Variants in MTA1 observed in about 807,000 individuals in gnomAD.
The protein encoded by MTA1 is metastasis-associated protein MTA1.
In MTA1, 15 loss-of-function variants were observed where a neutral mutation model predicts 97.0. That is an observed-to-expected ratio of 0.15 (90% CI 0.10 to 0.24). The LOEUF is 0.24. Among genes scored for constraint, MTA1 ranks in the 10% least tolerant of loss-of-function variants. The pLI is 1.00. For synonymous variants in MTA1, 435 were observed against 417.5 expected, an observed-to-expected ratio of 1.04 and a Z score of -0.51; for missense variants, 709 against 1,015.1, an observed-to-expected ratio of 0.70 and a Z score of 4.10.
At position 105,422,552 on chromosome 14, in the gene MTA1, G is replaced by A. The variant is rs2081879223; in HGVS notation, c.28+2489G>A. Among the ~76,000 whole-genome samples, 1 of 152,182 alleles carries A rather than the reference G, an allele frequency of 6.6e-6. No homozygotes were observed. The stretch of plus-strand genomic sequence containing the variant: ...CTTGTGTGTAGAGGCACCAAATTTA[G>A]TTAAGAAAAGTACAGGACGCCCAGG... On this transcript the variant is annotated intron_variant, in intron 1 of 20. Transcript: ENST00000331320. The surrounding 1 kb of genome is among the most constrained non-coding windows in gnomAD (Gnocchi z 4.3).
At chr14:105,450,951 G>A (rs978624158) in intron 6 of MTA1, among the ~76,000 whole-genome samples, 2 of 152,328 alleles carry the variant, frequency 1.3e-5, no homozygotes, top group Non-Finnish European at 2.9e-5. Flanking sequence ...GGGCAAAAGC[G>A]TCTGGAGTGT....
intron 6 of MTA1, among the ~76,000 whole-genome samples, chr14:105,451,769 CTTTTTCTTTTTTTGTT>C (rs1392834882): frequency 8.2e-5 from 10 of 122,560 alleles, no homozygotes; most frequent in Admixed American, 2.0e-4. Flanking sequence ...CCCCCTTTTT[CTTTTTCTTTTTTTGTT>C]TTTTTTTTTT....
In MTA1 at chr14:105,463,982, C is replaced by T. The variant is rs201706066; in HGVS notation, c.1077-50C>T. ...GGTGCCTGCTGGGCACATGGGCCCT[C>T]GAGGTTTGTGCTCCTGCAACTCCTC... On this transcript the variant is annotated intron_variant, in intron 12 of 20. Transcript: ENST00000331320. This position sits in a 1 kb window ranked among gnomAD's most constrained non-coding sequence, Gnocchi z 5.9. 1.2e-4 allele frequency: 191 copies of T among 1,585,588 alleles called. 4 individuals are homozygous for T. The East Asian group carries it at 1.6e-3, about 13-fold the overall frequency.
intron 18 of MTA1, chr14:105,467,451 G>A: frequency 2.2e-6 from 1 of 455,968 alleles, no homozygotes; most frequent in Non-Finnish European, 4.4e-6. Flanking sequence ...GCCCAGCCCA[G>A]CCAACCCTGT....
In MTA1 at chr14:105,454,262, C is replaced by G; in HGVS notation, c.502C>G (p.Arg168Gly). 1 of 1,613,712 alleles carries G rather than the reference C, an allele frequency of 6.2e-7. No individual in the cohort carries two copies. The highest frequency in any genetic ancestry group is 8.5e-7 in the Non-Finnish European group (1 of 1,179,764). The part of the protein sequence containing the change: ...KTLLADKGEI[R>G]VGNRYQADIT... ...CCTGCTGGCAGATAAAGGAGAGATT[C>G]GAGTAGGAAACCGGTACCAGGCAGA... Residue 168 changes from arginine to glycine, a missense_variant, in exon 7 of 21, where the codon CGA (arginine) becomes GGA (glycine). Physicochemically the swap from Arg to Gly is moderately radical, Grantham distance 125. Coordinates refer to ENST00000331320, the MANE Select transcript of MTA1 (RefSeq NM_004689.4).
chr14:105,458,920 CGAG>C (rs1555430493), intron 8 of MTA1, among the ~76,000 whole-genome samples: 1 of 152,196 alleles, frequency 6.6e-6, no homozygotes, highest in Non-Finnish European at 1.5e-5. Context: ...GCCCAGGACA[CGAG>C]GAGTCCTCGC....
chr14:105,459,432 T>C (rs1595393286), intron 8 of MTA1, among the ~76,000 whole-genome samples: 1 of 10,046 alleles, frequency 1.0e-4, no homozygotes, highest in Non-Finnish European at 3.4e-4. Context: ...GGGGAGTCCG[T>C]GCTGCCCATG....
At chr14:105,435,603 C>T (rs587662964) in intron 1 of MTA1, among the ~76,000 whole-genome samples, 1 of 152,202 alleles carries the variant, frequency 6.6e-6, no homozygotes, top group African/African-American at 2.4e-5. Flanking sequence ...GGGAGTGTTC[C>T]CTCCTTTTCT....
chr14:105,454,002 G>A lies in MTA1; in HGVS notation c.433-191G>A, dbSNP rs888931878. ...ATCCCCCAGTGACCCTCGAGGCCCC[G>A]CTGTAGGCTCCTCCCAGGCATGGCC... On this transcript the variant is annotated intron_variant, in intron 6 of 20. Transcript: ENST00000331320. Among the ~76,000 whole-genome samples the A allele has an allele frequency of 3.3e-5, 5 of 152,134 alleles. No individual in the cohort carries two copies. In the East Asian group the frequency reaches 5.8e-4, roughly 18 times the overall value.
rs371095828 is a variant in MTA1 at position 105,464,054 on chromosome 14, A to G, written c.1099A>G (p.Ile367Val). 7.4e-6 allele frequency: 12 copies of G among 1,612,414 alleles called. No homozygotes were observed. The highest frequency in any genetic ancestry group is 2.2e-5 in the East Asian group (1 of 44,840). ...PNYNKPNPNQ[I>V]SVNNVKAGVV... Reference sequence around the variant, plus strand: ...AAGTAACAAGCCAAATCCGAACCAAATCAGCGTCAACAACGTCAAGGCCGG... The same window carrying G: ...AAGTAACAAGCCAAATCCGAACCAAGTCAGCGTCAACAACGTCAAGGCCGG... The change falls in exon 13 of 21, where the codon ATC (isoleucine) becomes GTC (valine). Residue 367 changes from isoleucine (I) to valine (V), a missense_variant. Physicochemically the swap from Ile to Val is conservative, Grantham distance 29. This residue lies in a region of MTA1 where 321 missense variants were observed against 593.5 expected (regional missense o/e 0.54). Transcript: ENST00000331320.
chr14:105,463,438 G>A lies in MTA1; in HGVS notation c.1018-55G>A. 3 of 1,589,878 alleles carry A rather than the reference G, an allele frequency of 1.9e-6. No homozygotes were observed. The South Asian group carries it at 3.3e-5, about 18-fold the overall frequency. ...CCGTAGCCTCCAGCCTGTCTGCACT[G>A]CAGCCCCAACCTGGGCCTAGCCTGC... On this transcript the variant is annotated intron_variant, in intron 11 of 20. Coordinates refer to ENST00000331320, the MANE Select transcript of MTA1 (RefSeq NM_004689.4). The surrounding 1 kb of genome is among the most constrained non-coding windows in gnomAD (Gnocchi z 5.9).
At position 105,463,753 on chromosome 14, in the gene MTA1, G is replaced by A. The variant is rs2141676341; in HGVS notation, c.1076+202G>A. 2 of 624,622 alleles carry A rather than the reference G, an allele frequency of 3.2e-6. No individual in the cohort carries two copies. The highest frequency in any genetic ancestry group is 2.7e-5 in the East Asian group (1 of 36,424). 38.7% of individuals were successfully genotyped at this position (624,622 alleles called of 1,614,324 possible). A position where few individuals can be genotyped will look rare whatever the true frequency, so the allele number is the denominator to read the frequency against. ...ATGTCTCTGTCGTCCTGGCCTCCTG[G>A]TCAGTAAGGGGGCATTGGGATTCCA... On this transcript the variant is annotated intron_variant, in intron 12 of 20. Transcript: ENST00000331320. This position sits in a 1 kb window ranked among gnomAD's most constrained non-coding sequence, Gnocchi z 5.9.
chr14:105,440,455 C>G (rs1555425364), intron 2 of MTA1, among the ~76,000 whole-genome samples: 1 of 152,236 alleles, frequency 6.6e-6, no homozygotes, highest in African/African-American at 2.4e-5. Context: ...CCGTGGGCGC[C>G]TGGCCGAGTG....
rs2081783312 is a variant in MTA1, at chr14:105,420,285, G to A, written c.28+222G>A. On this transcript the variant is annotated intron_variant, in intron 1 of 20. Coordinates refer to ENST00000331320, the MANE Select transcript of MTA1 (RefSeq NM_004689.4). The surrounding 1 kb of genome is among the most constrained non-coding windows in gnomAD (Gnocchi z 5.3). ...GGCGGGCGGGGCTCGGCGGCCCGGG[G>A]GTGGGGGGCGGCCCACCTGTTGGGG... 6.7e-6 allele frequency among the ~76,000 whole-genome samples: 1 copy of A among 149,430 alleles called. No homozygotes were observed. The highest frequency in any genetic ancestry group is 2.1e-4 in the South Asian group (1 of 4,826).
intron 1 of MTA1, among the ~76,000 whole-genome samples, chr14:105,428,590 G>A (rs1235754203): frequency 3.3e-5 from 5 of 152,102 alleles, no homozygotes; most frequent in African/African-American, 1.2e-4. Flanking sequence ...TTGAAATCAA[G>A]TAGTAGGAAT....
chr14:105,439,210 C>T (rs1193985252), intron 2 of MTA1, among the ~76,000 whole-genome samples: 1 of 130,348 alleles, frequency 7.7e-6, no homozygotes, highest in Non-Finnish European at 1.7e-5. Flanking sequence ...ACTCAGGCAG[C>T]CCTGCAGGGC....
At chr14:105,436,250 G>A (rs2082321280) in intron 1 of MTA1, among the ~76,000 whole-genome samples, 1 of 152,170 alleles carries the variant, frequency 6.6e-6, no homozygotes, top group African/African-American at 2.4e-5. Flanking sequence ...TCCAGCCTGG[G>A]CAACAAGAGC....
intron 18 of MTA1, chr14:105,468,441 GCCGCAGATCAGGCA>G: frequency 8.4e-7 from 1 of 1,192,108 alleles, no homozygotes; most frequent in South Asian, 1.3e-5. Context: ...GCTTGGGAGC[GCCGCAGATCAGGCA>G]CCTGGGCCCC....
At position 105,460,620 on chromosome 14, in the gene MTA1, G is replaced by A. The variant is rs1555430835; in HGVS notation, c.754-145G>A. Reference sequence around the variant, plus strand: ...GGCCTTTCCTATCCACCCCAAACTCGGCCAGACTGTGCTGAGGGTGCAGGG... The same window carrying A: ...GGCCTTTCCTATCCACCCCAAACTCAGCCAGACTGTGCTGAGGGTGCAGGG... On this transcript the variant is annotated intron_variant, in intron 9 of 20. Transcript: ENST00000331320. 4 of 1,206,234 alleles carry A rather than the reference G, an allele frequency of 3.3e-6. No homozygotes were observed. The African/African-American group carries it at 4.6e-5, about 14-fold the overall frequency. The allele number at this position is 1,206,234 out of a possible 1,614,324, so 74.7% of individuals were successfully genotyped here. A position where few individuals can be genotyped will look rare whatever the true frequency, so the allele number is the denominator to read the frequency against.
Sources: gnomAD v4.1 joint callset for allele counts (sites outside exome capture counted in the v4.1 genomes callset) on GRCh38, gnomAD v4.1.1 for gene constraint, gnomAD v4.1.1 regional missense constraint, Gnocchi (gnomAD v3.1) non-coding constraint, MANE v1.5 for transcripts, NCBI Gene and HGNC (gene_info 2026-07-23, HGNC 2026-07-21) for gene names.